ASTN2: variants seen among roughly 807,000 people sequenced by gnomAD.
ASTN2 encodes astrotactin-2.
In ASTN2, 54 loss-of-function variants were observed where a neutral mutation model predicts 139.8. The ratio of observed to expected loss-of-function variants is 0.39; its 90% CI spans 0.31 to 0.48. The LOEUF is 0.48. Ranked by LOEUF, ASTN2 falls within the 20% of genes least tolerant of loss-of-function variation. ASTN2 has a pLI of 0.95. For synonymous variants in ASTN2, 756 were observed against 719.5 expected (o/e 1.05, Z -0.81); for missense variants, 1,565 against 1,725.1 (o/e 0.91, Z 1.64).
At chr9:116,604,465 A>G (rs879206825) in intron 19 of ASTN2, among the ~76,000 whole-genome samples, 1 of 152,036 alleles carries the variant, frequency 6.6e-6, no homozygotes, top group East Asian at 1.9e-4. Flanking sequence ...CCACCCCCCA[A>G]TTCTAGCTGA....
chr9:116,903,661 C>T (rs1367002644), intron 10 of ASTN2, among the ~76,000 whole-genome samples: 1 of 152,172 alleles, frequency 6.6e-6, no homozygotes, highest in African/African-American at 2.4e-5. Flanking sequence ...CTCTCTGGGC[C>T]TTAGGTTCCT....
chr9:116,544,873 A>G (rs1435680154), intron 19 of ASTN2, among the ~76,000 whole-genome samples: 1 of 152,244 alleles, frequency 6.6e-6, no homozygotes, highest in Non-Finnish European at 1.5e-5. Context: ...AAAAGGCCTC[A>G]TAGGGATTCC....
intron 5 of ASTN2, among the ~76,000 whole-genome samples, chr9:117,045,979 T>TACGTACGTACGTACGTAC (rs1564399779): frequency 8.8e-4 from 110 of 124,542 alleles, no homozygotes; most frequent in African/African-American, 2.1e-3. Flanking sequence ...TATGTATGTA[T>TACGTACGTACGTACGTAC]GTACGTACGT....
intron 6 of ASTN2, among the ~76,000 whole-genome samples, chr9:117,016,656 A>ATATGTT (rs59564628): frequency 2.2e-4 from 6 of 26,814 alleles, no homozygotes; most frequent in South Asian, 9.1e-4. Context: ...ATATATATAT[A>ATATGTT]ACCTATATAT....
At position 117,068,460 on chromosome 9, in the gene ASTN2, G is replaced by A. The variant is rs7872322; in HGVS notation, c.1276+27584C>T. 3.5e-5 allele frequency among the ~76,000 whole-genome samples: 3 copies of A among 85,994 alleles called. 1 individual carries two copies. The highest frequency in any genetic ancestry group is 1.5e-4 in the African/African-American group (3 of 19,474). 56.4% of individuals were successfully genotyped at this position (85,994 alleles called of 152,430 possible). ...TCAATGTTCATCAAGGATATTGGTC[G>A]AAAATTCTCTTTTTTGGTTGTGCCT... is the stretch of plus-strand genomic sequence containing the variant. On this transcript the variant is annotated intron_variant, in intron 5 of 22. Coordinates refer to ENST00000313400, the MANE Select transcript of ASTN2 (RefSeq NM_001365068.1).
Position 117,096,066 on chromosome 9 carries a change from G to A in ASTN2, c.1254C>T (p.Tyr418=), listed in dbSNP as rs778529360. The A allele has an allele frequency of 3.7e-6, 6 of 1,614,052 alleles. No homozygotes were observed. The highest frequency in any genetic ancestry group is 1.7e-5 in the Admixed American group (1 of 60,018). ...TACCTTTGCTGCGGCGGCGACTGCG[G>A]TACTGCTCCGTGTAGAATGTCAGCT... The part of the protein sequence containing the change: ...ETQLTFYTEQ[Y]RSRRRSKGLL... The change falls in exon 5 of 23, where the codon TAC becomes TAT. Residue 418 remains tyrosine (Y), a synonymous_variant. Coordinates refer to ENST00000313400, the MANE Select transcript of ASTN2 (RefSeq NM_001365068.1).
rs944400472 is a variant in ASTN2, at chr9:116,596,816, G to A, written c.3355+21508C>T. On this transcript the variant is annotated intron_variant, in intron 19 of 22. Coordinates refer to ENST00000313400, the MANE Select transcript of ASTN2 (RefSeq NM_001365068.1). ...AGATGAAAATGGGATTAAGACTCACGTGCTTAATCCCATTAACTCCCATAA... is the reference window on the plus strand; with the variant it reads ...AGATGAAAATGGGATTAAGACTCACATGCTTAATCCCATTAACTCCCATAA... Among the ~76,000 whole-genome samples the A allele has an allele frequency of 9.2e-5, 14 of 152,090 alleles. No individual in the cohort carries two copies. The East Asian group carries it at 2.1e-3, about 23-fold the overall frequency.
chr9:116,966,076 C>T (rs1308640857), intron 10 of ASTN2, among the ~76,000 whole-genome samples: 1 of 152,110 alleles, frequency 6.6e-6, no homozygotes, highest in Admixed American at 6.5e-5. Context: ...AGTATACATG[C>T]CCAAAATCAT....
At chr9:116,649,928 G>A (rs973525668) in intron 17 of ASTN2, among the ~76,000 whole-genome samples, 14 of 152,164 alleles carry the variant, frequency 9.2e-5, no homozygotes, top group Non-Finnish European at 1.3e-4. Flanking sequence ...TTAGTCATGA[G>A]GCATTTCTTT....
In ASTN2 at chr9:116,698,332, A is replaced by G. The variant is rs1860988255; in HGVS notation, c.2806+27439T>C. 4 of 1,614,046 alleles carry G rather than the reference A, an allele frequency of 2.5e-6. No homozygotes were observed. The highest frequency in any genetic ancestry group is 2.5e-6 in the Non-Finnish European group (3 of 1,180,054). ...GGGCATGAGGAGCGCAGGGTCCAGG[A>G]TGAGCTGGCTCGCTCTCGGAAGTTC... is the stretch of plus-strand genomic sequence containing the variant. On this transcript the variant is annotated intron_variant, in intron 16 of 22. Transcript: ENST00000313400. This position sits in a 1 kb window ranked among gnomAD's most constrained non-coding sequence, Gnocchi z 4.4.
At chr9:116,562,501 C>T (rs1442573492) in intron 19 of ASTN2, among the ~76,000 whole-genome samples, 1 of 151,780 alleles carries the variant, frequency 6.6e-6, no homozygotes, top group South Asian at 2.1e-4. Flanking sequence ...CTTTGGGAGG[C>T]CTAGGCGGGC....
intron 19 of ASTN2, among the ~76,000 whole-genome samples, chr9:116,563,801 A>C (rs1853048297): frequency 6.6e-6 from 1 of 151,976 alleles, no homozygotes; most frequent in South Asian, 2.1e-4. Context: ...GTGTCTCTGG[A>C]TTGCATCTGC....
chr9:116,921,749 C>T (rs1235203612), intron 10 of ASTN2, among the ~76,000 whole-genome samples: 1 of 152,072 alleles, frequency 6.6e-6, no homozygotes, highest in Non-Finnish European at 1.5e-5. Context: ...AGAAAAGACA[C>T]AGTGAGAAAG....
rs190080356 is a variant in ASTN2 at position 116,751,084 on chromosome 9, C to T, written c.2397-17561G>A. ...CCTACTCCACTCATAGAGAGAGGGC[C>T]TTAAACCATACCTCTTACTAGATGT... On this transcript the variant is annotated intron_variant, in intron 13 of 22. Coordinates refer to ENST00000313400, the MANE Select transcript of ASTN2 (RefSeq NM_001365068.1). 1.4e-3 allele frequency among the ~76,000 whole-genome samples: 213 copies of T among 151,588 alleles called. 2 individuals carry two copies. The highest frequency in any genetic ancestry group is 5.2e-3 in the African/African-American group (211 of 40,924).
intron 10 of ASTN2, among the ~76,000 whole-genome samples, chr9:116,883,396 A>T (rs1272869607): frequency 2.6e-5 from 4 of 152,196 alleles, no homozygotes; most frequent in Non-Finnish European, 5.9e-5. Context: ...GTGAGACTAC[A>T]TGGTGGACAG....
chr9:116,662,568 C>T (rs545466118), intron 16 of ASTN2, among the ~76,000 whole-genome samples: 5 of 151,930 alleles, frequency 3.3e-5, no homozygotes, highest in Non-Finnish European at 7.4e-5. Context: ...AGTGAGACTC[C>T]ATCTCAAAAA....
chr9:117,044,003 C>T (rs1838660778), intron 5 of ASTN2, among the ~76,000 whole-genome samples: 1 of 151,924 alleles, frequency 6.6e-6, no homozygotes, highest in African/African-American at 2.4e-5. Flanking sequence ...TTAGTTTTCT[C>T]ACCTAGAAAA....
chr9:116,810,652 C>G (rs1046715271), intron 12 of ASTN2, among the ~76,000 whole-genome samples: 2 of 152,152 alleles, frequency 1.3e-5, no homozygotes, highest in Non-Finnish European at 2.9e-5. Context: ...AACATGTCTA[C>G]TAAATTTTTC....
At chr9:116,647,268 G>A (rs1857642542) in intron 17 of ASTN2, among the ~76,000 whole-genome samples, 1 of 152,134 alleles carries the variant, frequency 6.6e-6, no homozygotes, top group Non-Finnish European at 1.5e-5. Flanking sequence ...TAAAGATAAA[G>A]ACCATATCCA....
Sources: gnomAD v4.1 joint callset for allele counts (sites outside exome capture counted in the v4.1 genomes callset) on GRCh38, gnomAD v4.1.1 for gene constraint, Gnocchi (gnomAD v3.1) non-coding constraint, MANE v1.5 for transcripts, NCBI Gene and HGNC (gene_info 2026-07-23, HGNC 2026-07-21) for gene names.